Variants in VPS16 observed in about 807,000 individuals in gnomAD.
VPS16 encodes the protein VPS16 core subunit of CORVET and HOPS complexes.
In VPS16, 82 loss-of-function variants were observed where a neutral mutation model predicts 116.0. The observed-to-expected ratio is 0.71, with a 90% confidence interval of 0.59 to 0.85. VPS16 has a LOEUF of 0.85. Ranked by LOEUF, VPS16 falls within the 40% of genes least tolerant of loss-of-function variation. The pLI is 0.00. For synonymous variants in VPS16, 406 were observed against 420.7 expected, an observed-to-expected ratio of 0.96 and a Z score of 0.43; for missense variants, 928 against 1,090.6, an observed-to-expected ratio of 0.85 and a Z score of 2.10.
intron 1 of VPS16, among the ~76,000 whole-genome samples, chr20:2,849,156 G>A (rs7263026): frequency 0.013 from 1,913 of 152,230 alleles, 40 homozygotes; most frequent in African/African-American, 0.043. Flanking sequence ...CAAGTTTCAG[G>A]ATCTCATTGT....
Position 2,863,312 on chromosome 20 carries a change from C to T in VPS16, c.1390C>T (p.Pro464Ser), listed in dbSNP as rs1423340102. Residue 464 changes from proline (P) to serine (S), a missense_variant, in exon 15 of 24, where the codon CCC becomes TCC. Pro to Ser is a moderately conservative substitution (Grantham distance 74, BLOSUM62 -1). Transcript: ENST00000380445. This position sits in a 1 kb window ranked among gnomAD's most constrained non-coding sequence, Gnocchi z 4.4. ...CAGGCTCGTGTTGCGGAGACTTTAC[C>T]CCCTGGCCATCCAGATATGCGAGTA... ...LDRLVLRRLY[P>S]LAIQICEYLR... The T allele has an allele frequency of 1.2e-6, 2 of 1,614,186 alleles. No individual in the cohort carries two copies. The highest frequency in any genetic ancestry group is 1.7e-6 in the Non-Finnish European group (2 of 1,180,028).
At chr20:2,846,503 A>G (rs1035770815) in intron 1 of VPS16, among the ~76,000 whole-genome samples, 7 of 152,176 alleles carry the variant, frequency 4.6e-5, no homozygotes, top group African/African-American at 1.7e-4. Context: ...ACTTTTTTCC[A>G]TAGCAGCTGA....
At chr20:2,862,235 C>A in intron 11 of VPS16, 105 bp downstream of exon 11, 5 of 1,354,946 alleles carry the variant, frequency 3.7e-6, no homozygotes, top group East Asian at 5.0e-5. Flanking sequence ...GGGGTCCAGG[C>A]AGGACACTGG....
In VPS16 at chr20:2,864,477, C is replaced by T; in HGVS notation, c.1818+15C>T. On this transcript the variant is annotated intron_variant, in intron 18 of 23. Transcript: ENST00000380445. This position sits in a 1 kb window ranked among gnomAD's most constrained non-coding sequence, Gnocchi z 5.2. ...TGTACCGACAGGTGTGTGTAGTGGGCAGGGTTGTGGTGTAGCCTTCTGAGC... is the reference window on the plus strand; with the variant it reads ...TGTACCGACAGGTGTGTGTAGTGGGTAGGGTTGTGGTGTAGCCTTCTGAGC... 1 of 1,614,088 alleles carries T rather than the reference C, an allele frequency of 6.2e-7. No homozygotes were observed. The highest frequency in any genetic ancestry group is 1.7e-5 in the Admixed American group (1 of 60,010).
In VPS16 at chr20:2,860,172, C is replaced by A; in HGVS notation, c.240+21C>A. On this transcript the variant is annotated intron_variant, in intron 3 of 23. Coordinates refer to ENST00000380445, the MANE Select transcript of VPS16 (RefSeq NM_022575.4). The surrounding 1 kb of genome is among the most constrained non-coding windows in gnomAD (Gnocchi z 6.1). ...TGCTGGTGAGCACTTCTGATGGTCC[C>A]TGGGGCTCAGGGCTGGACAGGGTTT... 1 of 1,614,050 alleles carries A rather than the reference C, an allele frequency of 6.2e-7. No homozygotes were observed. Among genetic ancestry groups the A allele is most frequent in the Non-Finnish European group, 8.5e-7 (1 of 1,180,022 alleles).
At chr20:2,852,486 A>G (rs2089132061) in intron 1 of VPS16, among the ~76,000 whole-genome samples, 1 of 152,160 alleles carries the variant, frequency 6.6e-6, no homozygotes, top group Admixed American at 6.6e-5. Context: ...TTTTAGTTAT[A>G]GAATGTCAAA....
chr20:2,844,048 A>G (rs2089034939), intron 1 of VPS16, among the ~76,000 whole-genome samples: 1 of 152,256 alleles, frequency 6.6e-6, no homozygotes, highest in African/African-American at 2.4e-5. Context: ...TTATACAACT[A>G]GTGACCAGGT....
In VPS16 at chr20:2,842,726, GTATC is replaced by G. The variant is rs773997127; in HGVS notation, c.53+1907_53+1910del. ...TCTATATATAGATAGACATATGGAT[GTATC>G]TATCTATAGATACATATAGATGTAT... On this transcript the variant is annotated intron_variant, in intron 1 of 23. Transcript: ENST00000380445. Among the ~76,000 whole-genome samples the G allele has an allele frequency of 3.2e-4, 25 of 77,594 alleles. 2 individuals carry two copies. Among genetic ancestry groups the G allele is most frequent in the South Asian group, 1.2e-3 (3 of 2,506 alleles). 50.9% of individuals were successfully genotyped at this position (77,594 alleles called of 152,430 possible).
chr20:2,841,583 C>T (rs1001280369), intron 1 of VPS16, among the ~76,000 whole-genome samples: 1 of 152,190 alleles, frequency 6.6e-6, no homozygotes, highest in Middle Eastern at 3.2e-3. Flanking sequence ...TTTTGCGCAT[C>T]CTTCAGGACT....
At chr20:2,851,735 C>T (rs895180074) in intron 1 of VPS16, among the ~76,000 whole-genome samples, 1 of 151,628 alleles carries the variant, frequency 6.6e-6, no homozygotes, top group Non-Finnish European at 1.5e-5. Flanking sequence ...TTTGGGAAGC[C>T]GAGGCAGGCA....
chr20:2,861,964 G>T, intron 10 of VPS16, 65 bp downstream of exon 10: 6 of 1,605,620 alleles, frequency 3.7e-6, no homozygotes, highest in Non-Finnish European at 4.3e-6. Flanking sequence ...CAGCTGCCCT[G>T]GGCCAGTGCC....
rs2089286424 is a variant in VPS16, at chr20:2,864,230, A to G, written c.1663A>G (p.Met555Val). ...SGEQVPLLLK[M>V]KRSKLALSKA... ...GGAGCAGGTACCCCTTCTCCTAAAG[A>G]TGAAGAGGAGCAAACTGGCACTAAG... The change falls in exon 17 of 24, where the codon ATG becomes GTG. Residue 555 changes from methionine (M) to valine (V), a missense_variant. Physicochemically the swap from Met to Val is conservative, Grantham distance 21. Transcript: ENST00000380445. The surrounding 1 kb of genome is among the most constrained non-coding windows in gnomAD (Gnocchi z 5.2). 2.5e-6 allele frequency: 4 copies of G among 1,614,050 alleles called. No homozygotes were observed. Among genetic ancestry groups the G allele is most frequent in the Non-Finnish European group, 3.4e-6 (4 of 1,180,030 alleles).
intron 1 of VPS16, among the ~76,000 whole-genome samples, chr20:2,857,517 T>TG: frequency 7.1e-6 from 1 of 140,804 alleles, no homozygotes; most frequent in East Asian, 2.0e-4. Context: ...TTTCTTTTTT[T>TG]TTTTTTTGAG....
rs1391401629 is a variant in VPS16 at position 2,860,079 on chromosome 20, G to T, written c.168G>T (p.Lys56Asn). The stretch of plus-strand genomic sequence containing the variant: ...CACTGCTGAGGAACCCCTGGCGGAA[G>T]GAGAAAGCTGCTAGTGTGAGGCCAG... ...PIALLRNPWR[K>N]EKAASVRPVL... The change falls in exon 3 of 24, where the codon AAG (lysine) becomes AAT (asparagine). Residue 56 changes from lysine to asparagine, a missense_variant. Coordinates refer to ENST00000380445, the MANE Select transcript of VPS16 (RefSeq NM_022575.4). The surrounding 1 kb of genome is among the most constrained non-coding windows in gnomAD (Gnocchi z 6.1). The T allele has an allele frequency of 6.2e-7, 1 of 1,614,046 alleles. No individual in the cohort carries two copies. Among genetic ancestry groups the T allele is most frequent in the Admixed American group, 1.7e-5 (1 of 60,026 alleles).
chr20:2,842,169 G>A (rs1170473085), intron 1 of VPS16, among the ~76,000 whole-genome samples: 2 of 152,098 alleles, frequency 1.3e-5, no homozygotes, highest in East Asian at 3.9e-4. Flanking sequence ...GAGCTTTGTG[G>A]CATGTTCCTA....
chr20:2,845,920 A>G (rs1406325267), intron 1 of VPS16, among the ~76,000 whole-genome samples: 1 of 152,254 alleles, frequency 6.6e-6, no homozygotes, highest in Middle Eastern at 3.4e-3. Context: ...AGATTTATCC[A>G]TGTTATAGCA....
Position 2,865,785 on chromosome 20 carries a change from G to T in VPS16, c.2271+290G>T. ...GTGCTAGAGGGAAAGTCTTGTCTGAGGAGGGTGGAGGGGGCACAGGGAGGG... is the reference window on the plus strand; with the variant it reads ...GTGCTAGAGGGAAAGTCTTGTCTGATGAGGGTGGAGGGGGCACAGGGAGGG... On this transcript the variant is annotated intron_variant, in intron 22 of 23. Coordinates refer to ENST00000380445, the MANE Select transcript of VPS16 (RefSeq NM_022575.4). The surrounding 1 kb of genome is among the most constrained non-coding windows in gnomAD (Gnocchi z 5.2). 4.0e-6 allele frequency: 2 copies of T among 496,812 alleles called. No homozygotes were observed. The highest frequency in any genetic ancestry group is 7.2e-6 in the Non-Finnish European group (2 of 276,180). The allele number at this position is 496,812 out of a possible 1,614,324, so 30.8% of individuals were successfully genotyped here.
chr20:2,864,307 G>A lies in VPS16; in HGVS notation c.1720+20G>A, dbSNP rs377269831. Reference sequence around the variant, plus strand: ...ACCTGGGTGAGGGCAAGGCTGGGGGGCCCCTGGGCTAAGTGGGAGCCTGGC... The same window carrying A: ...ACCTGGGTGAGGGCAAGGCTGGGGGACCCCTGGGCTAAGTGGGAGCCTGGC... On this transcript the variant is annotated intron_variant, in intron 17 of 23. Transcript: ENST00000380445. This position sits in a 1 kb window ranked among gnomAD's most constrained non-coding sequence, Gnocchi z 5.2. 9 of 1,613,956 alleles carry A rather than the reference G, an allele frequency of 5.6e-6. No individual in the cohort carries two copies. In the African/African-American group the frequency reaches 1.1e-4, roughly 19 times the overall value.
chr20:2,866,242 A>G lies in VPS16; in HGVS notation c.2302A>G (p.Asn768Asp), dbSNP rs754458783. 2 of 1,613,960 alleles carry G rather than the reference A, an allele frequency of 1.2e-6. No homozygotes were observed. The highest frequency in any genetic ancestry group is 1.7e-6 in the Non-Finnish European group (2 of 1,179,982). ...PFVEICMKQH[N>D]KYEAKKYASR... is the part of the protein sequence containing the mutation. ...TGTGGAGATCTGCATGAAACAACAT[A>G]ACAAATACGAAGCCAAGAAGTATGC... Residue 768 changes from asparagine (N) to aspartate (D), a missense_variant, in exon 23 of 24, where the codon AAC becomes GAC. Physicochemically the swap from Asn to Asp is conservative, Grantham distance 23. Transcript: ENST00000380445.
Sources: allele counts gnomAD v4.1 joint callset (sites outside exome capture counted in the v4.1 genomes callset), GRCh38; gene constraint gnomAD v4.1.1; non-coding constraint Gnocchi (gnomAD v3.1); transcripts MANE v1.5; gene names NCBI Gene and HGNC (gene_info 2026-07-23, HGNC 2026-07-21).